Variants in TMCC2 observed in about 807,000 individuals in gnomAD.
TMCC2 encodes the protein transmembrane and coiled-coil domains protein 2.
A neutral mutation model predicts 49.4 loss-of-function variants in TMCC2; 16 were observed. The ratio of observed to expected loss-of-function variants is 0.32; its 90% CI spans 0.22 to 0.49. The LOEUF is 0.49. Among genes scored for constraint, TMCC2 ranks in the 20% least tolerant of loss-of-function variants. The pLI is 0.99. For synonymous variants in TMCC2, 397 were observed against 434.1 expected, an observed-to-expected ratio of 0.91 and a Z score of 1.06; for missense variants, 762 against 989.8, an observed-to-expected ratio of 0.77 and a Z score of 3.09.
chr1:205,254,797 CAG>C (rs945318172), intron 2 of TMCC2, among the ~76,000 whole-genome samples: 4 of 152,188 alleles, frequency 2.6e-5, no homozygotes, highest in African/African-American at 9.7e-5. Flanking sequence ...CCGGGAAGCA[CAG>C]AGAGACCTAC....
rs529791033 is a variant in TMCC2 at position 205,240,393 on chromosome 1, A to G, written c.208-1112A>G. 1.5e-4 allele frequency among the ~76,000 whole-genome samples: 23 copies of G among 152,382 alleles called. No individual in the cohort carries two copies. The South Asian group carries it at 3.5e-3, about 23-fold the overall frequency. Reference sequence around the variant, plus strand: ...GGCGGCACCGGGTTGCAGTGCCTCTATGCTTTGGATCTAAGGGGAAAGACA... The same window carrying G: ...GGCGGCACCGGGTTGCAGTGCCTCTGTGCTTTGGATCTAAGGGGAAAGACA... On this transcript the variant is annotated intron_variant, in intron 1 of 4. Transcript: ENST00000358024.
intron 2 of TMCC2, chr1:205,246,490 T>C (rs2102556009): frequency 6.9e-7 from 1 of 1,449,842 alleles, no homozygotes; most frequent in East Asian, 2.6e-5. Flanking sequence ...TTTAAAATGA[T>C]GGGACTGAAC....
At chr1:205,249,636 C>T (rs78311174) in intron 2 of TMCC2, among the ~76,000 whole-genome samples, 3,714 of 152,324 alleles carry the variant, frequency 0.024, 63 homozygotes, top group East Asian at 0.068. Flanking sequence ...CACACCACCA[C>T]GCAGGTACAT....
intron 2 of TMCC2, among the ~76,000 whole-genome samples, chr1:205,251,838 T>G (rs1660681447): frequency 6.6e-6 from 1 of 152,214 alleles, no homozygotes; most frequent in Admixed American, 6.5e-5. Flanking sequence ...TCACACACAT[T>G]TCTCGTTTAG....
At position 205,241,476 on chromosome 1, in the gene TMCC2, A is replaced by G; in HGVS notation, c.208-29A>G. On this transcript the variant is annotated intron_variant, in intron 1 of 4. Coordinates refer to ENST00000358024, the MANE Select transcript of TMCC2 (RefSeq NM_014858.4). This position sits in a 1 kb window ranked among gnomAD's most constrained non-coding sequence, Gnocchi z 7.3. ...CTAGGCAATCAAGAGCTTTCCACTC[A>G]CCAGGGTTCTTCATCTCTCCCCCTT... 1 of 1,608,400 alleles carries G rather than the reference A, an allele frequency of 6.2e-7. No homozygotes were observed. The highest frequency in any genetic ancestry group is 8.5e-7 in the Non-Finnish European group (1 of 1,177,396).
intron 2 of TMCC2, among the ~76,000 whole-genome samples, chr1:205,253,075 C>G (rs1158754019): frequency 6.6e-6 from 1 of 152,022 alleles, no homozygotes; most frequent in Non-Finnish European, 1.5e-5. Context: ...TTTGAGGCTT[C>G]CGTGAACCAT....
intron 2 of TMCC2, among the ~76,000 whole-genome samples, chr1:205,254,953 T>C (rs1295661693): frequency 6.6e-6 from 1 of 152,226 alleles, no homozygotes; most frequent in Non-Finnish European, 1.5e-5. Flanking sequence ...GGCTCACACC[T>C]GTAATCCCAG....
intron 2 of TMCC2, among the ~76,000 whole-genome samples, chr1:205,254,268 C>T (rs1574852004): frequency 6.6e-6 from 1 of 152,222 alleles, no homozygotes; most frequent in African/African-American, 2.4e-5. Flanking sequence ...ACACATTCAC[C>T]TTAACCCCCT....
rs768634241 is a variant in TMCC2, at chr1:205,241,771, G to A, written c.474G>A (p.Arg158=). The A allele has an allele frequency of 1.2e-6, 2 of 1,610,626 alleles. No homozygotes were observed. The change falls in exon 2 of 5, where the codon CGG becomes CGA. Residue 158 remains arginine, a synonymous_variant. Transcript: ENST00000358024. The surrounding 1 kb of genome is among the most constrained non-coding windows in gnomAD (Gnocchi z 7.3). The stretch of plus-strand genomic sequence containing the variant: ...GCGTGCTGCAGCAGATCCGCTCCCG[G>A]CCCTCCATCAAGCGGGGCGCCAGCC... The part of the protein sequence containing the change: ...FNRVLQQIRS[R]PSIKRGASLH...
intron 2 of TMCC2, among the ~76,000 whole-genome samples, chr1:205,265,763 G>A (rs554790982): frequency 6.6e-6 from 1 of 151,028 alleles, no homozygotes; most frequent in East Asian, 2.0e-4. Context: ...GTTTCACCAT[G>A]TTGGTTAGGC....
intron 2 of TMCC2, among the ~76,000 whole-genome samples, chr1:205,267,051 T>G (rs976841395): frequency 6.6e-6 from 1 of 152,198 alleles, no homozygotes; most frequent in Non-Finnish European, 1.5e-5. Context: ...TCAGAAATTC[T>G]GAGAAGCAGA....
intron 3 of TMCC2, 135 bp downstream of exon 3, chr1:205,270,019 C>T (rs924683714): frequency 8.6e-6 from 7 of 813,392 alleles, no homozygotes; most frequent in East Asian, 2.6e-5. Flanking sequence ...GGAGCCAGCA[C>T]GAGGCCCTAA....
chr1:205,260,716 A>G (rs929352403), intron 2 of TMCC2, among the ~76,000 whole-genome samples: 4 of 134,350 alleles, frequency 3.0e-5, no homozygotes, highest in African/African-American at 1.2e-4. Flanking sequence ...GGCAGCCACT[A>G]ATCAGCTTTC....
chr1:205,231,958 T>A (rs1659815646), intron 1 of TMCC2, among the ~76,000 whole-genome samples: 1 of 152,102 alleles, frequency 6.6e-6, no homozygotes, highest in African/African-American at 2.4e-5. Context: ...ATAATAATAA[T>A]AAAGGACTCT....
chr1:205,260,329 T>G (rs1460826348), intron 2 of TMCC2, among the ~76,000 whole-genome samples: 1 of 152,250 alleles, frequency 6.6e-6, no homozygotes, highest in Non-Finnish European at 1.5e-5. Flanking sequence ...GGTTCCTGTG[T>G]AGCCCACCTG....
rs1048747316 is a variant in TMCC2 at position 205,264,507 on chromosome 1, C to T, written c.748-4443C>T. 5.3e-5 allele frequency among the ~76,000 whole-genome samples: 8 copies of T among 149,824 alleles called. No individual in the cohort carries two copies. Among genetic ancestry groups the T allele is most frequent in the Non-Finnish European group, 3.0e-5 (2 of 67,506 alleles). On this transcript the variant is annotated intron_variant, in intron 2 of 4. Coordinates refer to ENST00000358024, the MANE Select transcript of TMCC2 (RefSeq NM_014858.4). This position sits in a 1 kb window ranked among gnomAD's most constrained non-coding sequence, Gnocchi z 4.2. ...TTAATTTTGTTTTTTTTTTTTGGGA[C>T]GGAGTCTCGCTCTGTTGCCCAGGCT...
At chr1:205,268,803 G>C (rs1347820059) in intron 2 of TMCC2, 147 bp from the exon 3 acceptor site, 1 of 733,904 alleles carries the variant, frequency 1.4e-6, no homozygotes. Flanking sequence ...GTAAGTGGCT[G>C]TCAGGGATAC....
chr1:205,243,821 G>A (rs34895244), intron 2 of TMCC2, among the ~76,000 whole-genome samples: 1 of 152,302 alleles, frequency 6.6e-6, no homozygotes, highest in East Asian at 1.9e-4. Context: ...CTGGCGCTGA[G>A]GTTGAAATCA....
chr1:205,269,667 G>A lies in TMCC2; in HGVS notation c.1465G>A (p.Ala489Thr), dbSNP rs765983111. The change falls in exon 3 of 5, where the codon GCA becomes ACA. Residue 489 changes from alanine (A) to threonine (T), a missense_variant. Physicochemically the swap from Ala to Thr is moderately conservative, Grantham distance 58 (BLOSUM62 0). Around this residue, in one of 2 missense-constraint regions of TMCC2, gnomAD observed 440 missense variants for 636.7 expected, o/e 0.69. Coordinates refer to ENST00000358024, the MANE Select transcript of TMCC2 (RefSeq NM_014858.4). ...CSSASASSAG[A>T]GSNSGAGPGG... is the part of the protein sequence containing the mutation. ...CAGCGCCAGCGCCAGCTCAGCCGGG[G>A]CAGGCAGCAACTCTGGGGCTGGGCC... 6.2e-7 allele frequency: 1 copy of A among 1,613,908 alleles called. No homozygotes were observed. The highest frequency in any genetic ancestry group is 1.3e-5 in the African/African-American group (1 of 75,066).
Sources: allele counts gnomAD v4.1 joint callset (sites outside exome capture counted in the v4.1 genomes callset), GRCh38; gene constraint gnomAD v4.1.1; regional missense constraint gnomAD v4.1.1; non-coding constraint Gnocchi (gnomAD v3.1); transcripts MANE v1.5; gene names NCBI Gene and HGNC (gene_info 2026-07-23, HGNC 2026-07-21).